The following CAMK2D variants were observed in gnomAD, a reference collection of about 807,000 sequenced individuals.
The protein encoded by CAMK2D is calcium/calmodulin-dependent protein kinase type II subunit delta.
A neutral mutation model predicts 84.0 loss-of-function variants in CAMK2D; 37 were observed. The observed-to-expected ratio is 0.44, with a 90% CI of 0.34 to 0.58. The LOEUF (loss-of-function observed/expected upper bound fraction) is 0.58. CAMK2D is among the 20% of genes least tolerant of loss of function. CAMK2D has a pLI of 0.02. For missense variants in CAMK2D, 448 were observed against 652.5 expected, an observed-to-expected ratio of 0.69 and a Z score of 3.41; for synonymous variants, 202 against 212.5, an observed-to-expected ratio of 0.95 and a Z score of 0.43.
chr4:113,665,090 C>A (rs1281918061), intron 2 of CAMK2D, among the ~76,000 whole-genome samples: 1 of 152,200 alleles, frequency 6.6e-6, no homozygotes. Flanking sequence ...GGGCATGAGC[C>A]ACCGTGCCCA....
chr4:113,576,593 A>G (rs536298062), intron 4 of CAMK2D, among the ~76,000 whole-genome samples: 107 of 152,274 alleles, frequency 7.0e-4, no homozygotes, highest in Middle Eastern at 3.4e-3. Context: ...ACAAACTCGT[A>G]TGATTATTAA....
At chr4:113,538,297 C>T (rs1255722539) in intron 6 of CAMK2D, among the ~76,000 whole-genome samples, 1 of 152,112 alleles carries the variant, frequency 6.6e-6, no homozygotes, top group African/African-American at 2.4e-5. Flanking sequence ...CATCAAGACA[C>T]ATCAGTACTT....
At chr4:113,737,443 T>C (rs2099583752) in intron 2 of CAMK2D, among the ~76,000 whole-genome samples, 1 of 152,040 alleles carries the variant, frequency 6.6e-6, no homozygotes, top group South Asian at 2.1e-4. Flanking sequence ...GTAGTCAAAT[T>C]CACAGAGACA....
intron 16 of CAMK2D, among the ~76,000 whole-genome samples, chr4:113,474,205 A>G (rs1301074778): frequency 6.6e-6 from 1 of 152,230 alleles, no homozygotes; most frequent in East Asian, 1.9e-4. Context: ...TAGGTGTGGT[A>G]CCATTTCCAG....
In CAMK2D at chr4:113,686,932, A is replaced by T. The variant is rs549075779; in HGVS notation, c.161-25160T>A. Among the ~76,000 whole-genome samples, 14 of 152,276 alleles carry T rather than the reference A, an allele frequency of 9.2e-5. No individual in the cohort carries two copies. In the East Asian group the frequency reaches 1.2e-3, roughly 13 times the overall value. On this transcript the variant is annotated intron_variant, in intron 2 of 20. Coordinates refer to ENST00000511664, the MANE Select transcript of CAMK2D (RefSeq NM_001321571.2). Reference sequence around the variant, plus strand: ...CAATTTTAAAATAAAGATATCTTTTAAAAATAATATAGGTAGAAGGGACCA... The same window carrying T: ...CAATTTTAAAATAAAGATATCTTTTTAAAATAATATAGGTAGAAGGGACCA...
chr4:113,459,988 TA>T (rs1046190354), intron 18 of CAMK2D, among the ~76,000 whole-genome samples, 158 bp downstream of exon 18: 1 of 152,168 alleles, frequency 6.6e-6, no homozygotes, highest in African/African-American at 2.4e-5. Flanking sequence ...AAGCCTGACA[TA>T]TTTTTTTTTC....
chr4:113,677,282 A>T (rs1021043749), intron 2 of CAMK2D, among the ~76,000 whole-genome samples: 1 of 151,974 alleles, frequency 6.6e-6, no homozygotes, highest in African/African-American at 2.4e-5. Flanking sequence ...TAGCTGAAAG[A>T]TTTTTTTTAA....
intron 2 of CAMK2D, among the ~76,000 whole-genome samples, chr4:113,665,658 C>A (rs1340398834): frequency 1.3e-5 from 2 of 152,138 alleles, no homozygotes; most frequent in Non-Finnish European, 2.9e-5. Flanking sequence ...GTGGAACCAG[C>A]CTTATTTATC....
chr4:113,455,121 G>A (rs1037530239), intron 20 of CAMK2D, among the ~76,000 whole-genome samples: 1 of 152,168 alleles, frequency 6.6e-6, no homozygotes, highest in Admixed American at 6.6e-5. Flanking sequence ...CTGAATGCTT[G>A]TAACCCAAGT....
chr4:113,704,863 A>G (rs979955043), intron 2 of CAMK2D, among the ~76,000 whole-genome samples: 1 of 152,290 alleles, frequency 6.6e-6, no homozygotes, highest in Non-Finnish European at 1.5e-5. Flanking sequence ...AAGTTATACT[A>G]CACAAGAACA....
chr4:113,720,366 T>A (rs868161759), intron 2 of CAMK2D, among the ~76,000 whole-genome samples: 1,788 of 148,630 alleles, frequency 0.012, 46 homozygotes, highest in African/African-American at 0.041. Context: ...AATCACATTC[T>A]CACACACACA....
At chr4:113,634,554 A>G (rs557463347) in intron 3 of CAMK2D, among the ~76,000 whole-genome samples, 6 of 152,350 alleles carry the variant, frequency 3.9e-5, no homozygotes, top group African/African-American at 1.4e-4. Context: ...TCACAGGTCC[A>G]AGGAATGACA....
chr4:113,517,180 C>A (rs1348207480), intron 9 of CAMK2D, among the ~76,000 whole-genome samples: 1 of 151,718 alleles, frequency 6.6e-6, no homozygotes. Flanking sequence ...GTGATCACAG[C>A]AAAATATTGT....
intron 2 of CAMK2D, among the ~76,000 whole-genome samples, chr4:113,701,123 T>TC (rs769406559): frequency 6.6e-6 from 1 of 152,214 alleles, no homozygotes; most frequent in Non-Finnish European, 1.5e-5. Context: ...GATTAATTCT[T>TC]CTAAAGCACT....
rs1398178943 is a variant in CAMK2D, at chr4:113,452,385, C to G, written c.*2160G>C. On this transcript the variant is annotated 3_prime_UTR_variant, in exon 21 of 21. Transcript: ENST00000511664. ...CACTATGCAGGCATACATACAGTACCTCTTCTGAAGAAATAAAGATGGACG... is the reference window on the plus strand; with the variant it reads ...CACTATGCAGGCATACATACAGTACGTCTTCTGAAGAAATAAAGATGGACG... 6.6e-6 allele frequency: 1 copy of G among 152,318 alleles called. No homozygotes were observed. Among genetic ancestry groups the G allele is most frequent in the Non-Finnish European group, 1.5e-5 (1 of 68,040 alleles). The allele number at this position is 152,318 out of a possible 1,614,324, so 9.4% of individuals were successfully genotyped here.
chr4:113,544,282 CA>C (rs1302587883), intron 6 of CAMK2D, among the ~76,000 whole-genome samples: 1 of 152,148 alleles, frequency 6.6e-6, no homozygotes, highest in African/African-American at 2.4e-5. Flanking sequence ...CTGGAAGACC[CA>C]TAGGCAGGAC....
chr4:113,547,526 T>C (rs192281103), intron 6 of CAMK2D, 118 bp downstream of exon 6: 66 of 523,866 alleles, frequency 1.3e-4, no homozygotes, highest in Admixed American at 1.2e-3. Flanking sequence ...CTGAGTAACG[T>C]GCTGGAATAA....
intron 16 of CAMK2D, among the ~76,000 whole-genome samples, chr4:113,491,725 C>T (rs1296153711): frequency 1.3e-5 from 2 of 152,104 alleles, no homozygotes; most frequent in African/African-American, 2.4e-5. Flanking sequence ...GGTACCAGTT[C>T]CTCCTCGTAC....
At chr4:113,554,540 T>C (rs554076428) in intron 4 of CAMK2D, among the ~76,000 whole-genome samples, 1 of 152,164 alleles carries the variant, frequency 6.6e-6, no homozygotes, top group Non-Finnish European at 1.5e-5. Context: ...CTAGTATTCA[T>C]TCGTCCCATT....
Sources: allele counts gnomAD v4.1 joint callset (sites outside exome capture counted in the v4.1 genomes callset), GRCh38; gene constraint gnomAD v4.1.1; transcripts MANE v1.5; gene names NCBI Gene and HGNC (gene_info 2026-07-23, HGNC 2026-07-21).